The following CLEC5A variants were observed in gnomAD, a reference collection of about 807,000 sequenced individuals.
CLEC5A encodes the protein C-type lectin domain family 5 member A.
Under a neutral mutation model 24.4 loss-of-function variants are expected in CLEC5A, and 15 were observed. The ratio of observed to expected loss-of-function variants is 0.62; its 90% CI spans 0.41 to 0.95. The LOEUF (loss-of-function observed/expected upper bound fraction) is 0.95. CLEC5A is among the 40% of genes least tolerant of loss of function. The pLI, the probability that CLEC5A is intolerant of heterozygous loss-of-function variation, is 0.00. For synonymous variants in CLEC5A, 71 were observed against 72.6 expected, an observed-to-expected ratio of 0.98 and a Z score of 0.11; for missense variants, 211 against 224.0, an observed-to-expected ratio of 0.94 and a Z score of 0.37.
chr7:141,931,611 C>T lies in CLEC5A; in HGVS notation c.452+109G>A, dbSNP rs782611252. 5.6e-6 allele frequency: 4 copies of T among 714,146 alleles called. No individual in the cohort carries two copies. The East Asian group carries it at 7.6e-5, about 14-fold the overall frequency. The allele number at this position is 714,146 out of a possible 1,614,324, so 44.2% of individuals were successfully genotyped here. ...GTTGGAAGAAAGGAGAAGAGCAGAA[C>T]AGAGTCAAGTGTCAGCGTTTGAGCT... On this transcript the variant is annotated intron_variant, in intron 6 of 6. Transcript: ENST00000546910.
At chr7:141,943,862 G>C in intron 4 of CLEC5A, 34 bp downstream of exon 4, 1 of 1,354,588 alleles carries the variant, frequency 7.4e-7, no homozygotes, top group Non-Finnish European at 1.1e-6. Flanking sequence ...GAGAACCTAG[G>C]GGATGGGGAG....
intron 5 of CLEC5A, among the ~76,000 whole-genome samples, chr7:141,932,898 T>A (rs1184246262): frequency 5.9e-5 from 9 of 152,166 alleles, no homozygotes; most frequent in South Asian, 2.1e-4. Context: ...GACCCTTTTT[T>A]AAAAAAGTTT....
chr7:141,946,491 A>G (rs962162303), intron 1 of CLEC5A, among the ~76,000 whole-genome samples, 179 bp from the exon 2 acceptor site: 5 of 152,168 alleles, frequency 3.3e-5, no homozygotes, highest in Non-Finnish European at 7.4e-5. Flanking sequence ...AGAATCATGT[A>G]TTGATTGGAG....
intron 4 of CLEC5A, chr7:141,936,306 G>T: frequency 3.4e-6 from 1 of 295,242 alleles, no homozygotes; most frequent in Non-Finnish European, 6.4e-6. Flanking sequence ...GCAGAGGGTA[G>T]GAAAGATAGT....
Position 141,946,237 on chromosome 7 carries a change from C to A in CLEC5A, c.56G>T (p.Gly19Val). 6.4e-7 allele frequency: 1 copy of A among 1,569,606 alleles called. No individual in the cohort carries two copies. The highest frequency in any genetic ancestry group is 8.7e-7 in the Non-Finnish European group (1 of 1,155,970). Residue 19 changes from glycine (G) to valine (V), a missense_variant, in exon 2 of 7, where the codon GGA becomes GTA. Gly to Val is a moderately radical substitution (Grantham distance 109, BLOSUM62 -3). Transcript: ENST00000546910. ...GLIVVVLKVV[G>V]MTLFLLYFPQ... ...ACAATAAAGTAGAAATAAGGTCATT[C>A]CAACAACTTTAAGCACTACCACAAT...
intron 4 of CLEC5A, among the ~76,000 whole-genome samples, chr7:141,943,068 C>A (rs1732882528): frequency 1.3e-5 from 2 of 152,198 alleles, no homozygotes; most frequent in South Asian, 4.2e-4. Context: ...CAATTACACT[C>A]TTAAGTATAG....
At chr7:141,930,883 A>C (rs1554440261) in intron 6 of CLEC5A, among the ~76,000 whole-genome samples, 1 of 152,252 alleles carries the variant, frequency 6.6e-6, no homozygotes, top group African/African-American at 2.4e-5. Context: ...AGGAAACAAC[A>C]TATGCAAAGT....
chr7:141,930,710 T>TTTCTGTCA (rs1334977981), intron 6 of CLEC5A, among the ~76,000 whole-genome samples: 1 of 152,176 alleles, frequency 6.6e-6, no homozygotes, highest in Non-Finnish European at 1.5e-5. Context: ...ATTCAGTCTG[T>TTTCTGTCA]TTCAGTCTGA....
intron 3 of CLEC5A, 31 bp from the exon 4 acceptor site, chr7:141,943,995 G>A: frequency 1.5e-6 from 2 of 1,327,356 alleles, no homozygotes; most frequent in Non-Finnish European, 2.2e-6. Flanking sequence ...AAAGGTTATG[G>A]TATGATGAAT....
rs3043785 is a variant in CLEC5A, at chr7:141,933,575, CATATATATATATATAT to C, written c.346-1765_346-1750del. Reference sequence around the variant, plus strand: ...TGACTCAGCGAGTTTAGGGAGCAGGCATATATATATATATATATATATATATATATATATATATATA... The same window carrying C: ...TGACTCAGCGAGTTTAGGGAGCAGGCATATATATATATATATATATATATA... On this transcript the variant is annotated intron_variant, in intron 5 of 6. Transcript: ENST00000546910. Among the ~76,000 whole-genome samples the C allele has an allele frequency of 5.1e-3, 591 of 115,232 alleles. 13 individuals carry two copies. The highest frequency in any genetic ancestry group is 0.028 in the East Asian group (120 of 4,268). The allele number at this position is 115,232 out of a possible 152,430, so 75.6% of individuals were successfully genotyped here. A position where few individuals can be genotyped will look rare whatever the true frequency, so the allele number is the denominator to read the frequency against.
intron 6 of CLEC5A, among the ~76,000 whole-genome samples, chr7:141,931,356 GA>G (rs1284093619): frequency 6.6e-6 from 1 of 152,126 alleles, no homozygotes; most frequent in African/African-American, 2.4e-5. Flanking sequence ...TAGTCTGTTT[GA>G]AGTCAAGAGA....
intron 4 of CLEC5A, 46 bp downstream of exon 4, chr7:141,943,850 A>G (rs369649078): frequency 1.6e-6 from 2 of 1,276,412 alleles, no homozygotes; most frequent in Non-Finnish European, 2.3e-6. Flanking sequence ...AATTCAGTGC[A>G]TGAGAACCTA....
rs117965702 is a variant in CLEC5A, at chr7:141,935,890, G to T, written c.269C>A (p.Ser90Ter). The T allele has an allele frequency of 2.2e-4, 352 of 1,613,016 alleles. 1 individual carries two copies. The East Asian group carries it at 7.5e-3, about 34-fold the overall frequency. ...ARCFFLSTSE[S>*]SWNESRDFCK... The stretch of plus-strand genomic sequence containing the variant: ...AAAGTCCCTGCTTTCATTCCAAGAT[G>T]ATTCAGAAGTGGATAAGAAAAAACA... Residue 90 changes from serine (S) to a stop codon, truncating the protein, a stop_gained, in exon 5 of 7, where the codon TCA becomes TAA. Coordinates refer to ENST00000546910, the MANE Select transcript of CLEC5A (RefSeq NM_013252.3). LOFTEE classifies it high-confidence loss of function.
intron 4 of CLEC5A, among the ~76,000 whole-genome samples, chr7:141,936,601 CTAAA>C: frequency 1.3e-5 from 2 of 152,186 alleles, no homozygotes; most frequent in East Asian, 3.9e-4. Flanking sequence ...CTTTGGGGCC[CTAAA>C]TAAACTTGAA....
chr7:141,939,567 GAAGT>G (rs1205096322), intron 4 of CLEC5A, among the ~76,000 whole-genome samples: 2 of 152,040 alleles, frequency 1.3e-5, no homozygotes, highest in African/African-American at 4.8e-5. Context: ...CAAAATGGCA[GAAGT>G]AAGTGCTTAC....
chr7:141,943,472 T>C (rs1802858840), intron 4 of CLEC5A, among the ~76,000 whole-genome samples: 1 of 151,886 alleles, frequency 6.6e-6, no homozygotes. Flanking sequence ...GGCTTGTTAA[T>C]GGGTACTAAA....
chr7:141,930,452 T>C (rs1554440212), intron 6 of CLEC5A, among the ~76,000 whole-genome samples: 2 of 152,178 alleles, frequency 1.3e-5, no homozygotes, highest in East Asian at 1.9e-4. Flanking sequence ...ACCCACCCTT[T>C]CCTGTCAGCT....
At chr7:141,936,742 C>A (rs905770035) in intron 4 of CLEC5A, among the ~76,000 whole-genome samples, 31 of 152,178 alleles carry the variant, frequency 2.0e-4, no homozygotes, top group African/African-American at 7.2e-4. Context: ...ATGCTTGTGC[C>A]ATTGCTCTCC....
At chr7:141,935,712 C>T in intron 5 of CLEC5A, 102 bp downstream of exon 5, 1 of 1,041,402 alleles carries the variant, frequency 9.6e-7, no homozygotes, top group Non-Finnish European at 1.4e-6. Flanking sequence ...CCTCTCCATT[C>T]CTCACTCCAT....
Sources: allele counts gnomAD v4.1 joint callset (sites outside exome capture counted in the v4.1 genomes callset), GRCh38; gene constraint gnomAD v4.1.1; transcripts MANE v1.5; gene names NCBI Gene and HGNC (gene_info 2026-07-23, HGNC 2026-07-21).